The following MARCHF4 variants were observed in gnomAD, a reference collection of about 807,000 sequenced individuals.
MARCHF4 encodes the protein E3 ubiquitin-protein ligase MARCHF4.
In MARCHF4, 14 loss-of-function variants were observed where a neutral mutation model predicts 43.9. The observed-to-expected ratio is 0.32, with a 90% CI of 0.21 to 0.50. The LOEUF (loss-of-function observed/expected upper bound fraction) is 0.50, where lower values mean the gene tolerates loss of function less well. MARCHF4 is among the 20% of genes least tolerant of loss of function. MARCHF4 has a pLI of 0.98. For synonymous variants in MARCHF4, 226 were observed against 213.3 expected (o/e 1.06, Z -0.52); for missense variants, 468 against 536.7 (o/e 0.87, Z 1.27).
At chr2:216,283,878 G>T in intron 1 of MARCHF4, 149 bp from the exon 2 acceptor site, 1 of 836,080 alleles carries the variant, frequency 1.2e-6, no homozygotes, top group Non-Finnish European at 1.8e-6. Context: ...CATGGAGGAG[G>T]CCTGGGCTCC....
chr2:216,341,604 T>C (rs1348096368), intron 1 of MARCHF4, among the ~76,000 whole-genome samples: 1 of 152,234 alleles, frequency 6.6e-6, no homozygotes, highest in Non-Finnish European at 1.5e-5. Flanking sequence ...GTAGGCTTAG[T>C]ACCTACTGTG....
At chr2:216,305,613 G>A (rs1691574243) in intron 1 of MARCHF4, among the ~76,000 whole-genome samples, 1 of 152,132 alleles carries the variant, frequency 6.6e-6, no homozygotes, top group African/African-American at 2.4e-5. Flanking sequence ...TAGCAGAATG[G>A]GTGGGCAGGC....
At chr2:216,285,876 C>T (rs1255153584) in intron 1 of MARCHF4, among the ~76,000 whole-genome samples, 1 of 152,212 alleles carries the variant, frequency 6.6e-6, no homozygotes, top group Non-Finnish European at 1.5e-5. Context: ...GTCAAATTGC[C>T]CATCAGGTAA....
chr2:216,301,860 T>A (rs1455958105), intron 1 of MARCHF4, among the ~76,000 whole-genome samples: 2 of 152,194 alleles, frequency 1.3e-5, no homozygotes, highest in African/African-American at 4.8e-5. Context: ...CTAATAAGGC[T>A]TTTGGAAAGA....
At chr2:216,263,211 G>A (rs1317598074) in intron 3 of MARCHF4, among the ~76,000 whole-genome samples, 2 of 152,228 alleles carry the variant, frequency 1.3e-5, no homozygotes, top group African/African-American at 4.8e-5. Context: ...TGGATCACCT[G>A]AGGTCAGGAA....
At chr2:216,302,611 T>C (rs1287180419) in intron 1 of MARCHF4, among the ~76,000 whole-genome samples, 2 of 151,784 alleles carry the variant, frequency 1.3e-5, no homozygotes, top group African/African-American at 4.8e-5. Flanking sequence ...GAAAATGGAA[T>C]TTTAGGCCGG....
chr2:216,308,042 C>T (rs780515458), intron 1 of MARCHF4, among the ~76,000 whole-genome samples: 8 of 151,914 alleles, frequency 5.3e-5, no homozygotes, highest in African/African-American at 1.9e-4. Flanking sequence ...AGTAACAAAG[C>T]GAGACCCTAT....
intron 3 of MARCHF4, among the ~76,000 whole-genome samples, chr2:216,260,562 T>C (rs1690725219): frequency 6.6e-6 from 1 of 152,050 alleles, no homozygotes; most frequent in Non-Finnish European, 1.5e-5. Flanking sequence ...GAACTCCAAG[T>C]GCAAAGGCCA....
intron 1 of MARCHF4, among the ~76,000 whole-genome samples, chr2:216,298,473 C>T (rs1269918564): frequency 6.6e-6 from 1 of 151,824 alleles, no homozygotes; most frequent in Non-Finnish European, 1.5e-5. Flanking sequence ...ACCATGTTTC[C>T]CAGGCTGGTC....
At chr2:216,283,864 A>T (rs1042735190) in intron 1 of MARCHF4, 135 bp from the exon 2 acceptor site, 2 of 951,386 alleles carry the variant, frequency 2.1e-6, no homozygotes, top group African/African-American at 3.3e-5. Flanking sequence ...GGGGCACCAG[A>T]CTCCATGGAG....
At position 216,369,707 on chromosome 2, in the gene MARCHF4, A is replaced by T; in HGVS notation, c.516+38T>A. On this transcript the variant is annotated intron_variant, in intron 1 of 3. Transcript: ENST00000273067. ...GAGTAGCAATCTGCAAGACCTGAAA[A>T]TACCACAGGAAGCAGGAGAAGAGAA... The T allele has an allele frequency of 2.0e-6, 3 of 1,509,392 alleles. No homozygotes were observed. The South Asian group carries it at 3.9e-5, about 20-fold the overall frequency. 93.5% of individuals were successfully genotyped at this position (1,509,392 alleles called of 1,614,324 possible).
At chr2:216,332,460 G>A (rs908236833) in intron 1 of MARCHF4, among the ~76,000 whole-genome samples, 6 of 151,084 alleles carry the variant, frequency 4.0e-5, no homozygotes, top group Non-Finnish European at 8.8e-5. Context: ...CCCAAATTTG[G>A]CAAGATTTAT....
chr2:216,302,250 G>T (rs931263745), intron 1 of MARCHF4, among the ~76,000 whole-genome samples: 1 of 151,772 alleles, frequency 6.6e-6, no homozygotes, highest in Non-Finnish European at 1.5e-5. Context: ...ACGGAGTCTC[G>T]CTCTGTCACC....
chr2:216,275,190 G>T (rs1369971781), intron 3 of MARCHF4, among the ~76,000 whole-genome samples: 1 of 152,216 alleles, frequency 6.6e-6, no homozygotes, highest in Non-Finnish European at 1.5e-5. Flanking sequence ...ATAAGAAAAA[G>T]AATTAGAGAG....
At chr2:216,283,520 G>A (rs1224618681) in intron 2 of MARCHF4, 54 bp downstream of exon 2, 5 of 1,524,866 alleles carry the variant, frequency 3.3e-6, no homozygotes, top group Non-Finnish European at 3.6e-6. Flanking sequence ...TGCTAAAGCA[G>A]GTGGTGTGGA....
intron 1 of MARCHF4, among the ~76,000 whole-genome samples, chr2:216,345,763 G>A (rs988970291): frequency 7.2e-5 from 11 of 152,046 alleles, no homozygotes; most frequent in Non-Finnish European, 1.3e-4. Context: ...GCAGAATTTC[G>A]GGCTCTACCC....
chr2:216,261,420 C>A (rs1010307492), intron 3 of MARCHF4, among the ~76,000 whole-genome samples: 3 of 152,206 alleles, frequency 2.0e-5, no homozygotes, highest in African/African-American at 7.2e-5. Context: ...CTTGTAAGAA[C>A]ACTTGTGGCT....
chr2:216,305,093 TAA>T (rs148294316), intron 1 of MARCHF4, among the ~76,000 whole-genome samples: 24 of 149,738 alleles, frequency 1.6e-4, no homozygotes, highest in African/African-American at 5.8e-4. Flanking sequence ...CCCACTGCAT[TAA>T]AAAAAAAATT....
chr2:216,346,946 G>T (rs1574484470), intron 1 of MARCHF4, among the ~76,000 whole-genome samples: 1 of 152,128 alleles, frequency 6.6e-6, no homozygotes, highest in East Asian at 1.9e-4. Flanking sequence ...TGCTCTCGTG[G>T]TAGTGAGTGA....
Sources: allele counts gnomAD v4.1 joint callset (sites outside exome capture counted in the v4.1 genomes callset), GRCh38; gene constraint gnomAD v4.1.1; transcripts MANE v1.5; gene names NCBI Gene and HGNC (gene_info 2026-07-23, HGNC 2026-07-21).